Variants in MEF2A observed in about 807,000 individuals in gnomAD.
The protein encoded by MEF2A is myocyte enhancer factor 2A.
MEF2A carries 28 observed loss-of-function variants against 55.8 expected under a neutral mutation model. The ratio of observed to expected loss-of-function variants is 0.50; its 90% confidence interval spans 0.37 to 0.69. The LOEUF (loss-of-function observed/expected upper bound fraction) is 0.69, where lower values mean the gene tolerates loss of function less well. Ranked by LOEUF, MEF2A falls within the 30% of genes least tolerant of loss-of-function variation. The pLI is 0.00. For missense variants in MEF2A, 528 were observed against 626.2 expected (o/e 0.84, Z 1.67); for synonymous variants, 239 against 227.1 (o/e 1.05, Z -0.47).
chr15:99,712,445 A>G lies in MEF2A; in HGVS notation c.1192A>G (p.Ile398Val), dbSNP rs1012602620. 1 of 1,550,546 alleles carries G rather than the reference A, an allele frequency of 6.4e-7. No individual in the cohort carries two copies. Among genetic ancestry groups the G allele is most frequent in the African/African-American group, 1.4e-5 (1 of 72,996 alleles). The change falls in exon 12 of 12, where the codon ATC (isoleucine) becomes GTC (valine). Residue 398 changes from isoleucine (I) to valine (V), a missense_variant. By Grantham distance (29) the Ile-to-Val change is conservative. Transcript: ENST00000557942. This position sits in a 1 kb window ranked among gnomAD's most constrained non-coding sequence, Gnocchi z 4.1. ...SNLSINTNQNISIKSEPISPP... is the reference protein window; with the variant it reads ...SNLSINTNQNVSIKSEPISPP... Reference sequence around the variant, plus strand: ...TTTATCCATTAATACCAACCAAAACATCAGCATCAAGTCCGAACCGATTTC... The same window carrying G: ...TTTATCCATTAATACCAACCAAAACGTCAGCATCAAGTCCGAACCGATTTC...
intron 4 of MEF2A, among the ~76,000 whole-genome samples, chr15:99,655,447 T>C (rs1359391020): frequency 6.6e-6 from 1 of 152,164 alleles, no homozygotes; most frequent in Non-Finnish European, 1.5e-5. Context: ...TGGTCTTGAA[T>C]ACCCAGCTGT....
In MEF2A at chr15:99,605,317, A is replaced by G. The variant is rs75543435; in HGVS notation, c.-143+6806A>G. Among the ~76,000 whole-genome samples the G allele has an allele frequency of 2.7e-3, 411 of 152,336 alleles. 1 individual carries two copies. Among genetic ancestry groups the G allele is most frequent in the African/African-American group, 9.3e-3 (385 of 41,572 alleles). On this transcript the variant is annotated intron_variant, in intron 2 of 11. Coordinates refer to ENST00000557942, the MANE Select transcript of MEF2A (RefSeq NM_001319206.4). ...TAATCCAAATTAATTTACCTATTTT[A>G]AGGACAAATGATTACCAACTTTAAT...
At chr15:99,648,400 T>G (rs1256863419) in intron 4 of MEF2A, among the ~76,000 whole-genome samples, 8 of 152,154 alleles carry the variant, frequency 5.3e-5, no homozygotes, top group Admixed American at 4.6e-4. Context: ...GAAGATTTTA[T>G]GTATATTTAT....
intron 2 of MEF2A, among the ~76,000 whole-genome samples, chr15:99,602,433 T>C (rs951829486): frequency 6.6e-6 from 1 of 152,112 alleles, no homozygotes; most frequent in Non-Finnish European, 1.5e-5. Flanking sequence ...GGAAGTCATA[T>C]ACCAGTTAAA....
chr15:99,621,905 T>G (rs1187488373), intron 2 of MEF2A, among the ~76,000 whole-genome samples: 2 of 152,302 alleles, frequency 1.3e-5, no homozygotes, highest in East Asian at 3.9e-4. Flanking sequence ...GTCATCAAAA[T>G]GGGGTGTTCT....
intron 1 of MEF2A, among the ~76,000 whole-genome samples, chr15:99,575,594 A>G (rs778597989): frequency 2.6e-5 from 4 of 152,188 alleles, no homozygotes; most frequent in Non-Finnish European, 4.4e-5. Context: ...CTCTATTACA[A>G]AAGGTATCAT....
intron 3 of MEF2A, among the ~76,000 whole-genome samples, chr15:99,634,789 T>C (rs1295068594): frequency 6.6e-6 from 1 of 152,246 alleles, no homozygotes; most frequent in East Asian, 1.9e-4. Context: ...ACTTAGCTGC[T>C]GTGTCAGCTT....
chr15:99,686,668 CT>C (rs1018769077), intron 7 of MEF2A, among the ~76,000 whole-genome samples: 1 of 152,170 alleles, frequency 6.6e-6, no homozygotes, highest in Non-Finnish European at 1.5e-5. Context: ...TTTGTCTTCA[CT>C]TTAGATAATC....
Position 99,667,015 on chromosome 15 carries a change from G to A in MEF2A, c.259-4308G>A, listed in dbSNP as rs138595600. Among the ~76,000 whole-genome samples the A allele has an allele frequency of 8.6e-3, 1,302 of 152,218 alleles. 25 individuals are homozygous for A. The highest frequency in any genetic ancestry group is 0.029 in the African/African-American group (1,210 of 41,528). The stretch of plus-strand genomic sequence containing the variant: ...TTTCATCGATACTTGATATTATAAC[G>A]AATACAGATTAATCAAATATTTTTA... On this transcript the variant is annotated intron_variant, in intron 4 of 11. Coordinates refer to ENST00000557942, the MANE Select transcript of MEF2A (RefSeq NM_001319206.4).
rs75522794 is a variant in MEF2A, at chr15:99,699,057, T to TA, written c.859-4292dup. Among the ~76,000 whole-genome samples the TA allele has an allele frequency of 8.6e-3, 1,158 of 134,322 alleles. 9 individuals carry two copies. The highest frequency in any genetic ancestry group is 0.023 in the African/African-American group (826 of 36,574). 88.1% of individuals were successfully genotyped at this position (134,322 alleles called of 152,430 possible). A position where few individuals can be genotyped will look rare whatever the true frequency, so the allele number is the denominator to read the frequency against. On this transcript the variant is annotated intron_variant, in intron 8 of 11. Transcript: ENST00000557942. ...CACAGCAAGACCCTGTCTTAAAAATTAAAAAAAAAAAAACAAAAAAAACTT... is the reference window on the plus strand; with the variant it reads ...CACAGCAAGACCCTGTCTTAAAAATTAAAAAAAAAAAAAACAAAAAAAACTT...
intron 1 of MEF2A, among the ~76,000 whole-genome samples, chr15:99,577,027 C>G (rs1336230226): frequency 6.6e-6 from 1 of 152,116 alleles, no homozygotes; most frequent in African/African-American, 2.4e-5. Context: ...CATCAAAATG[C>G]CTAATGTTGG....
chr15:99,694,962 A>T (rs753237428), intron 8 of MEF2A, among the ~76,000 whole-genome samples: 1 of 132,638 alleles, frequency 7.5e-6, no homozygotes, highest in African/African-American at 2.7e-5. Context: ...TGTCCCTTTG[A>T]TATATCCTTA....
intron 2 of MEF2A, among the ~76,000 whole-genome samples, chr15:99,628,853 A>G (rs906630597): frequency 2.6e-5 from 4 of 152,066 alleles, no homozygotes; most frequent in African/African-American, 7.2e-5. Flanking sequence ...CAAGCTGTAT[A>G]TAGGGTTCTT....
rs370231805 is a variant in MEF2A, at chr15:99,703,378, T to G, written c.875T>G (p.Leu292Trp). Residue 292 changes from leucine (L) to tryptophan (W), a missense_variant, in exon 9 of 12, where the codon TTG (leucine) becomes TGG (tryptophan). Around this residue, in one of 2 missense-constraint regions of MEF2A, gnomAD observed 450 missense variants for 475.3 expected, o/e 0.95. Coordinates refer to ENST00000557942, the MANE Select transcript of MEF2A (RefSeq NM_001319206.4). ...MMPPLSEEEE[L>W]ELNTQRISSS... Reference sequence around the variant, plus strand: ...TGAGTACAGTCGGAGGAAGAGGAATTGGAGTTGGTGAGTGTGGGTTTCTGC... The same window carrying G: ...TGAGTACAGTCGGAGGAAGAGGAATGGGAGTTGGTGAGTGTGGGTTTCTGC... The G allele has an allele frequency of 2.8e-5, 45 of 1,610,150 alleles. No individual in the cohort carries two copies. The highest frequency in any genetic ancestry group is 3.7e-5 in the Non-Finnish European group (44 of 1,178,160).
chr15:99,607,452 T>G (rs1324053502), intron 2 of MEF2A, among the ~76,000 whole-genome samples: 1 of 152,226 alleles, frequency 6.6e-6, no homozygotes, highest in South Asian at 2.1e-4. Context: ...CAGGTTTGAT[T>G]CAGATGATAT....
In MEF2A at chr15:99,674,538, C is replaced by T. The variant is rs1181704886; in HGVS notation, c.536C>T (p.Ser179Phe). The T allele has an allele frequency of 1.2e-6, 2 of 1,613,974 alleles. No individual in the cohort carries two copies. The highest frequency in any genetic ancestry group is 3.3e-5 in the Admixed American group (2 of 60,014). ...SSTLTDSSML[S>F]PPQTTLHRNV... The stretch of plus-strand genomic sequence containing the variant: ...ACGTTAACAGATTCAAGCATGCTCT[C>T]TCCACCTCAAACCACATTACATAGA... The change falls in exon 6 of 12, where the codon TCT becomes TTT. Residue 179 changes from serine (S) to phenylalanine (F), a missense_variant. Physicochemically the swap from Ser to Phe is radical, Grantham distance 155. Coordinates refer to ENST00000557942, the MANE Select transcript of MEF2A (RefSeq NM_001319206.4).
intron 1 of MEF2A, among the ~76,000 whole-genome samples, chr15:99,594,312 T>A (rs1428638950): frequency 6.6e-6 from 1 of 152,150 alleles, no homozygotes; most frequent in Non-Finnish European, 1.5e-5. Flanking sequence ...ATGAAGGATA[T>A]AGATGAATGA....
At position 99,674,572 on chromosome 15, in the gene MEF2A, T is replaced by G. The variant is rs747815675; in HGVS notation, c.570T>G (p.Ser190=). 1 of 1,613,974 alleles carries G rather than the reference T, an allele frequency of 6.2e-7. No individual in the cohort carries two copies. Residue 190 remains serine, a synonymous_variant, in exon 6 of 12, where the codon TCT becomes TCG. Transcript: ENST00000557942. ...AAACCACATTACATAGAAATGTGTCTCCTGGAGCTCCTCAGAGACCACCAA... is the reference window on the plus strand; with the variant it reads ...AAACCACATTACATAGAAATGTGTCGCCTGGAGCTCCTCAGAGACCACCAA... ...PPQTTLHRNV[S]PGAPQRPPST...
intron 2 of MEF2A, among the ~76,000 whole-genome samples, chr15:99,615,186 T>C (rs1033134158): frequency 2.4e-4 from 37 of 152,168 alleles, no homozygotes; most frequent in Non-Finnish European, 2.2e-4. Flanking sequence ...TTGAGATACC[T>C]GTAGGGTATC....
Sources: allele counts gnomAD v4.1 joint callset (sites outside exome capture counted in the v4.1 genomes callset), GRCh38; gene constraint gnomAD v4.1.1; regional missense constraint gnomAD v4.1.1; non-coding constraint Gnocchi (gnomAD v3.1); transcripts MANE v1.5; gene names NCBI Gene and HGNC (gene_info 2026-07-23, HGNC 2026-07-21).